The following MAGOHB variants were observed in gnomAD, a reference collection of about 807,000 sequenced individuals.
The protein encoded by MAGOHB is mago homolog B, exon junction complex subunit.
MAGOHB carries 15 observed loss-of-function variants against 20.9 expected under a neutral mutation model. The observed-to-expected ratio is 0.72, with a 90% confidence interval of 0.48 to 1.11. MAGOHB has a LOEUF of 1.11. Among genes scored for constraint, MAGOHB ranks in the 50% least tolerant of loss-of-function variants. MAGOHB has a pLI of 0.00. For missense variants in MAGOHB, 162 were observed against 177.6 expected, an observed-to-expected ratio of 0.91 and a Z score of 0.50; for synonymous variants, 50 against 57.9, an observed-to-expected ratio of 0.86 and a Z score of 0.62.
downstream of MAGOHB, among the ~76,000 whole-genome samples, chr12:10,600,373 A>G (rs1247987435): frequency 6.6e-6 from 1 of 151,746 alleles, no homozygotes; most frequent in Admixed American, 6.6e-5. Context: ...AATTTTTTCT[A>G]TTGTAAAATA....
chr12:10,612,784 C>CTGTT (rs1491362904), intron 1 of MAGOHB: 46 of 1,277,814 alleles, frequency 3.6e-5, no homozygotes, highest in Non-Finnish European at 4.6e-5. Flanking sequence ...AGAAAACACA[C>CTGTT]TGTTGCACAC....
intron 1 of MAGOHB, among the ~76,000 whole-genome samples, chr12:10,611,780 A>AGAAAC (rs1201859355): frequency 3.1e-3 from 474 of 151,046 alleles, no homozygotes; most frequent in Non-Finnish European, 4.6e-3. Flanking sequence ...AAAAAAGAAA[A>AGAAAC]GAAACGCGTC....
At chr12:10,606,459 T>C (rs1865631634) in intron 4 of MAGOHB, 85 bp from the exon 5 acceptor site, 3 of 720,312 alleles carry the variant, frequency 4.2e-6, no homozygotes, top group Non-Finnish European at 6.9e-6. Context: ...AATCAAAATC[T>C]CATAACAATT....
At chr12:10,612,575 A>T in intron 1 of MAGOHB, 2 of 754,000 alleles carry the variant, frequency 2.7e-6, no homozygotes, top group Non-Finnish European at 3.4e-6. Context: ...CTTTATAGTT[A>T]AATGTCTGTG....
At chr12:10,610,303 T>C (rs945647057) in intron 2 of MAGOHB, among the ~76,000 whole-genome samples, 1 of 152,104 alleles carries the variant, frequency 6.6e-6, no homozygotes, top group Non-Finnish European at 1.5e-5. Flanking sequence ...CGCTTGAGCC[T>C]GGGAGGCAGA....
chr12:10,603,219 C>T (rs12818827), downstream of MAGOHB, among the ~76,000 whole-genome samples: 1 of 149,302 alleles, frequency 6.7e-6, no homozygotes, highest in African/African-American at 2.5e-5. Context: ...GAGGCTGAGG[C>T]AGGGAAATGG....
At chr12:10,609,286 A>G in intron 3 of MAGOHB, 1 of 369,794 alleles carries the variant, frequency 2.7e-6, no homozygotes, top group Non-Finnish European at 5.4e-6. Flanking sequence ...GAATTTCTCC[A>G]AGAGTTGAAA....
downstream of MAGOHB, among the ~76,000 whole-genome samples, chr12:10,600,436 A>G (rs1331545529): frequency 6.6e-6 from 1 of 151,898 alleles, no homozygotes; most frequent in East Asian, 1.9e-4. Context: ...ATAAAATTGT[A>G]TGTCAAAGGG....
chr12:10,610,577 C>CAAAAAAAAAAAAAAAAAAAAAA (rs541042923), intron 2 of MAGOHB, 45 bp downstream of exon 2: 5 of 727,976 alleles, frequency 6.9e-6, no homozygotes, highest in African/African-American at 3.5e-5. Context: ...GGGCTAAATG[C>CAAAAAAAAAAAAAAAAAAAAAA]AAAAAAAAAA....
At chr12:10,611,786 G>T (rs1186347764) in intron 1 of MAGOHB, among the ~76,000 whole-genome samples, 4 of 129,338 alleles carry the variant, frequency 3.1e-5, no homozygotes, top group South Asian at 2.6e-4. Flanking sequence ...GAAAAGAAAC[G>T]CGTCTTCGGG....
chr12:10,609,515 AG>A, intron 3 of MAGOHB: 1 of 384,586 alleles, frequency 2.6e-6, no homozygotes, highest in Non-Finnish European at 5.0e-6. Context: ...AATTTTACAT[AG>A]TCATATTCTT....
chr12:10,609,851 G>A lies in MAGOHB; in HGVS notation c.244C>T (p.Pro82Ser), dbSNP rs768683070. The change falls in exon 3 of 5, where the codon CCT becomes TCT. Residue 82 changes from proline to serine, a missense_variant. Transcript: ENST00000320756. ...CAAACCTGTCGGCCAACCCTATCAG[G>A]GGGAGGCCACAAAGCATCATCTTCT... ...TKEDDALWPP[P>S]DRVGRQELEI... is the part of the protein sequence containing the mutation. The A allele has an allele frequency of 1.2e-6, 2 of 1,611,264 alleles. No individual in the cohort carries two copies. The highest frequency in any genetic ancestry group is 1.1e-5 in the South Asian group (1 of 90,704).
At position 10,606,314 on chromosome 12, in the gene MAGOHB, G is replaced by C. The variant is rs1234768673; in HGVS notation, c.408C>G (p.Phe136Leu). ...TCTTGAAGTGTAATCCAATAAGACT[G>C]AAAACTAAACATTTCAAGTCTTGTA... is the stretch of plus-strand genomic sequence containing the variant. Reference protein sequence around the residue: ...YLVQDLKCLVFSLIGLHFKIK... With the variant: ...YLVQDLKCLVLSLIGLHFKIK... Residue 136 changes from phenylalanine (F) to leucine (L), a missense_variant, in exon 5 of 5, where the codon TTC becomes TTG. By Grantham distance (22) the Phe-to-Leu change is conservative (BLOSUM62 0). Transcript: ENST00000320756. The C allele has an allele frequency of 1.3e-6, 2 of 1,576,038 alleles. No homozygotes were observed. The highest frequency in any genetic ancestry group is 1.7e-6 in the Non-Finnish European group (2 of 1,157,774).
intron 1 of MAGOHB, 75 bp downstream of exon 1, chr12:10,613,364 T>G (rs550823032): frequency 3.3e-5 from 44 of 1,317,120 alleles, no homozygotes; most frequent in Middle Eastern, 3.6e-4. Context: ...CTCCGCCGCC[T>G]GTACCCTCCA....
downstream of MAGOHB, among the ~76,000 whole-genome samples, chr12:10,599,877 A>G (rs1227648819): frequency 6.6e-6 from 1 of 152,190 alleles, no homozygotes; most frequent in East Asian, 1.9e-4. Context: ...AATAAAACTA[A>G]TATCATTAAC....
rs1411620038 is a variant in MAGOHB at position 10,605,103 on chromosome 12, G to C, written c.*1172C>G. 2 of 152,182 alleles carry C rather than the reference G, an allele frequency of 1.3e-5. No homozygotes were observed. Among genetic ancestry groups the C allele is most frequent in the East Asian group, 3.9e-4 (2 of 5,186 alleles). 9.4% of individuals were successfully genotyped at this position (152,182 alleles called of 1,614,324 possible). On this transcript the variant is annotated 3_prime_UTR_variant, in exon 5 of 5. Transcript: ENST00000320756. ...GGTGTTCACTTTATAGTTCTCAAGAGTTTTTAATGTTTTATCCTTTTCACG... is the reference window on the plus strand; with the variant it reads ...GGTGTTCACTTTATAGTTCTCAAGACTTTTTAATGTTTTATCCTTTTCACG...
At position 10,606,235 on chromosome 12, in the gene MAGOHB, T is replaced by C; in HGVS notation, c.*40A>G. The C allele has an allele frequency of 9.3e-7, 1 of 1,072,312 alleles. No homozygotes were observed. Among genetic ancestry groups the C allele is most frequent in the Non-Finnish European group, 1.3e-6 (1 of 743,500 alleles). The allele number at this position is 1,072,312 out of a possible 1,614,324, so 66.4% of individuals were successfully genotyped here. A position where few individuals can be genotyped will look rare whatever the true frequency, so the allele number is the denominator to read the frequency against. ...TGTAAATGACAAATAACCCCTCCCATCCCTTAATTAAATATACAAACAGCC... is the reference window on the plus strand; with the variant it reads ...TGTAAATGACAAATAACCCCTCCCACCCCTTAATTAAATATACAAACAGCC... On this transcript the variant is annotated 3_prime_UTR_variant, in exon 5 of 5. Coordinates refer to ENST00000320756, the MANE Select transcript of MAGOHB (RefSeq NM_018048.5).
At chr12:10,608,381 T>C (rs1370079398) in intron 3 of MAGOHB, 1 of 154,170 alleles carries the variant, frequency 6.5e-6, no homozygotes, top group Non-Finnish European at 1.4e-5. Context: ...TAGCACCTAC[T>C]GTATGTCAGG....
chr12:10,601,732 C>T (rs1865557181), downstream of MAGOHB, among the ~76,000 whole-genome samples: 1 of 152,178 alleles, frequency 6.6e-6, no homozygotes, highest in African/African-American at 2.4e-5. Context: ...TTGTTCTTAT[C>T]TATAAAAATT....
Sources: allele counts gnomAD v4.1 joint callset (sites outside exome capture counted in the v4.1 genomes callset), GRCh38; gene constraint gnomAD v4.1.1; transcripts MANE v1.5; gene names NCBI Gene and HGNC (gene_info 2026-07-23, HGNC 2026-07-21).